Variants in RAD51B observed in about 807,000 individuals in gnomAD.
The protein encoded by RAD51B is DNA repair protein RAD51 homolog 2.
RAD51B carries 38 observed loss-of-function variants against 42.2 expected under a neutral mutation model. The observed-to-expected ratio is 0.90, with a 90% CI of 0.70 to 1.18. The LOEUF (loss-of-function observed/expected upper bound fraction) is 1.18. RAD51B is among the 50% of genes most tolerant of loss of function. The probability of loss-of-function intolerance (pLI) is 0.00; values close to 1 mark genes in which losing one functional copy is unlikely to be tolerated. For synonymous variants in RAD51B, 154 were observed against 145.2 expected, an observed-to-expected ratio of 1.06 and a Z score of -0.43; for missense variants, 373 against 400.7, an observed-to-expected ratio of 0.93 and a Z score of 0.59.
At chr14:68,540,209 A>T in intron 10 of RAD51B, 1 of 843,772 alleles carries the variant, frequency 1.2e-6, no homozygotes, top group Non-Finnish European at 1.4e-6. Flanking sequence ...GGATCTAGAG[A>T]ATTCAAATGA....
chr14:68,630,207 C>T (rs575044522), intron 10 of RAD51B, among the ~76,000 whole-genome samples: 1 of 152,288 alleles, frequency 6.6e-6, no homozygotes, highest in South Asian at 2.1e-4. Context: ...AAGTCACGTT[C>T]CATTGCCTGG....
At chr14:67,980,878 G>C (rs774753965) in intron 7 of RAD51B, among the ~76,000 whole-genome samples, 27 of 152,082 alleles carry the variant, frequency 1.8e-4, no homozygotes, top group Non-Finnish European at 2.2e-4. Context: ...AGAACAAATT[G>C]ATAAGTTGAA....
At chr14:68,255,200 A>G (rs1052277884) in intron 7 of RAD51B, among the ~76,000 whole-genome samples, 19 of 151,986 alleles carry the variant, frequency 1.3e-4, no homozygotes, top group Admixed American at 1.0e-3. Context: ...TTGTGTTTCA[A>G]CTATTTTCAG....
At chr14:68,474,423 C>T (rs1882383316) in intron 10 of RAD51B, among the ~76,000 whole-genome samples, 1 of 152,166 alleles carries the variant, frequency 6.6e-6, no homozygotes, top group African/African-American at 2.4e-5. Context: ...CAGAGCAAAA[C>T]CCCATCTCTC....
chr14:67,962,391 T>C (rs1369873812), intron 7 of RAD51B, among the ~76,000 whole-genome samples: 2 of 152,106 alleles, frequency 1.3e-5, no homozygotes, highest in Non-Finnish European at 2.9e-5. Context: ...CAACATCATG[T>C]CATATCCTGA....
intron 10 of RAD51B, among the ~76,000 whole-genome samples, chr14:68,471,145 A>T (rs2086113394): frequency 6.6e-6 from 1 of 152,110 alleles, no homozygotes; most frequent in Non-Finnish European, 1.5e-5. Flanking sequence ...TCTGGGTGGG[A>T]TGTGCAGCCC....
chr14:68,030,863 C>T (rs2076030381), intron 7 of RAD51B, among the ~76,000 whole-genome samples: 1 of 152,102 alleles, frequency 6.6e-6, no homozygotes, highest in African/African-American at 2.4e-5. Context: ...CTAGAGGCCA[C>T]TGTAGGGTTA....
intron 7 of RAD51B, among the ~76,000 whole-genome samples, chr14:68,143,739 G>A (rs1162820080): frequency 2.0e-5 from 3 of 152,150 alleles, no homozygotes; most frequent in South Asian, 2.1e-4. Flanking sequence ...CTTTCTGGGG[G>A]CTTTGAAAAG....
chr14:68,650,670 A>G (rs8021657), intron 10 of RAD51B: 346,496 of 625,340 alleles, frequency 0.55, 99,952 homozygotes, highest in African/African-American at 0.7. Context: ...CAAAACAACT[A>G]GTTTCTCAGA....
chr14:68,450,260 C>T (rs1421685062), intron 9 of RAD51B, among the ~76,000 whole-genome samples: 1 of 135,686 alleles, frequency 7.4e-6, no homozygotes, highest in African/African-American at 2.7e-5. Flanking sequence ...CTCTTGTTAC[C>T]CAGACTGGAG....
chr14:67,842,567 A>G (rs1280347791), intron 4 of RAD51B, among the ~76,000 whole-genome samples: 2 of 152,184 alleles, frequency 1.3e-5, no homozygotes, highest in Non-Finnish European at 2.9e-5. Flanking sequence ...ATGGGGTTTC[A>G]CCATATTGGC....
At chr14:68,162,418 A>G (rs1000441577) in intron 7 of RAD51B, among the ~76,000 whole-genome samples, 1 of 152,228 alleles carries the variant, frequency 6.6e-6, no homozygotes, top group Non-Finnish European at 1.5e-5. Context: ...TTTAAAGGAA[A>G]TATATAAGTT....
At chr14:68,545,719 C>G in intron 10 of RAD51B, 2 of 442,664 alleles carry the variant, frequency 4.5e-6, no homozygotes, top group South Asian at 3.2e-5. Context: ...TGCTTGTTAT[C>G]TGCCAAGAGT....
At chr14:68,445,392 A>G (rs986588173) in intron 9 of RAD51B, among the ~76,000 whole-genome samples, 10 of 152,208 alleles carry the variant, frequency 6.6e-5, no homozygotes, top group Admixed American at 5.9e-4. Context: ...GACAGTAACA[A>G]TAATAGCTAG....
At chr14:68,368,292 TC>T (rs1030095931) in intron 8 of RAD51B, among the ~76,000 whole-genome samples, 36 of 152,176 alleles carry the variant, frequency 2.4e-4, no homozygotes, top group African/African-American at 8.0e-4. Flanking sequence ...AGTTAATTCC[TC>T]AGAATCCCAC....
At chr14:68,283,701 C>T (rs1040465658) in intron 7 of RAD51B, among the ~76,000 whole-genome samples, 6 of 152,200 alleles carry the variant, frequency 3.9e-5, no homozygotes, top group African/African-American at 1.4e-4. Context: ...GGAACCAACA[C>T]GTGCTAACCT....
chr14:68,652,969 T>C (rs1210102109), intron 11 of RAD51B, among the ~76,000 whole-genome samples: 1 of 152,258 alleles, frequency 6.6e-6, no homozygotes, highest in African/African-American at 2.4e-5. Context: ...TGTGTGTTCA[T>C]ACCTAACTTG....
At chr14:68,310,468 G>A (rs2081948476) in intron 8 of RAD51B, among the ~76,000 whole-genome samples, 2 of 152,172 alleles carry the variant, frequency 1.3e-5, no homozygotes, top group South Asian at 4.1e-4. Flanking sequence ...TATTAGTGGA[G>A]AACCCCATGC....
At chr14:68,395,050 T>TC (rs1029604663) in intron 8 of RAD51B, among the ~76,000 whole-genome samples, 4 of 151,956 alleles carry the variant, frequency 2.6e-5, no homozygotes, top group Non-Finnish European at 4.4e-5. Flanking sequence ...TCTGTCGGCA[T>TC]CCCCCCCTTT....
Sources: allele counts gnomAD v4.1 joint callset (sites outside exome capture counted in the v4.1 genomes callset), GRCh38; gene constraint gnomAD v4.1.1; transcripts MANE v1.5; gene names NCBI Gene and HGNC (gene_info 2026-07-23, HGNC 2026-07-21).